The following DOCK3 variants were observed in gnomAD, a reference collection of about 807,000 sequenced individuals.
DOCK3 encodes dedicator of cytokinesis 3.
DOCK3 carries 60 observed loss-of-function variants against 265.6 expected under a neutral mutation model. The ratio of observed to expected loss-of-function variants is 0.23; its 90% CI spans 0.18 to 0.28. DOCK3 has a LOEUF of 0.28. DOCK3 is among the 10% of genes least tolerant of loss of function. DOCK3 has a pLI of 1.00. For synonymous variants in DOCK3, 881 were observed against 938.0 expected, an observed-to-expected ratio of 0.94 and a Z score of 1.11; for missense variants, 1,981 against 2,594.3, an observed-to-expected ratio of 0.76 and a Z score of 5.14.
At chr3:51,370,046 C>T (rs998503258) in intron 49 of DOCK3, among the ~76,000 whole-genome samples, 1 of 152,110 alleles carries the variant, frequency 6.6e-6, no homozygotes, top group Admixed American at 6.5e-5. Context: ...ACCAAAAGAT[C>T]GGTGCATGCT....
At chr3:51,196,185 C>T (rs898517747) in intron 12 of DOCK3, among the ~76,000 whole-genome samples, 1 of 151,936 alleles carries the variant, frequency 6.6e-6, no homozygotes, top group East Asian at 1.9e-4. Context: ...GGCCTCCTGC[C>T]TCAGCCTCCC....
chr3:50,738,717 TACTATTCCCA>T (rs1344146511), intron 1 of DOCK3, among the ~76,000 whole-genome samples: 1 of 152,208 alleles, frequency 6.6e-6, no homozygotes, highest in Non-Finnish European at 1.5e-5. Flanking sequence ...TATGGTGAGG[TACTATTCCCA>T]AATCACAATA....
Position 51,360,610 on chromosome 3 carries a change from A to G in DOCK3, c.4984A>G (p.Ile1662Val), listed in dbSNP as rs1290835195. The change falls in exon 47 of 53, where the codon ATC (isoleucine) becomes GTC (valine). Residue 1662 changes from isoleucine to valine, a missense_variant. By Grantham distance (29) the Ile-to-Val change is conservative (BLOSUM62 3). This residue lies in a region of DOCK3 where 1,357 missense variants were observed against 1,866.8 expected (regional missense o/e 0.73). Transcript: ENST00000266037. ...CCATAGCCCCATGAGTCCGGAGAGC[A>G]TCAAGATGACCCACCGGCACAGGTA... ...ASHSPMSPES[I>V]KMTHRHSPMN... The G allele has an allele frequency of 6.2e-7, 1 of 1,613,766 alleles. No homozygotes were observed. The highest frequency in any genetic ancestry group is 8.5e-7 in the Non-Finnish European group (1 of 1,179,856).
intron 3 of DOCK3, among the ~76,000 whole-genome samples, chr3:50,867,240 A>C (rs1054318076): frequency 2.6e-5 from 4 of 152,168 alleles, no homozygotes; most frequent in African/African-American, 9.6e-5. Flanking sequence ...CATTGTTGGC[A>C]TATAGAAATG....
At chr3:50,935,041 T>G (rs922104010) in intron 5 of DOCK3, among the ~76,000 whole-genome samples, 4 of 152,144 alleles carry the variant, frequency 2.6e-5, no homozygotes, top group Non-Finnish European at 4.4e-5. Context: ...TCTCTCTCTC[T>G]TTTTTTCTCC....
At chr3:51,131,393 G>A (rs957447974) in intron 9 of DOCK3, among the ~76,000 whole-genome samples, 21 of 152,200 alleles carry the variant, frequency 1.4e-4, no homozygotes, top group East Asian at 1.2e-3. Context: ...GTAAAAGGCC[G>A]GAGGTCTCCT....
intron 32 of DOCK3, among the ~76,000 whole-genome samples, chr3:51,323,354 A>G (rs1367907415): frequency 6.6e-6 from 1 of 152,210 alleles, no homozygotes; most frequent in Non-Finnish European, 1.5e-5. Flanking sequence ...AACCAAGTGG[A>G]CCTAGTAGAC....
At position 50,985,487 on chromosome 3, in the gene DOCK3, G is replaced by A. The variant is rs570166041; in HGVS notation, c.315+51410G>A. The stretch of plus-strand genomic sequence containing the variant: ...ATTTAATAGATTAAAAACCCCTCTG[G>A]CAATTTTAACAGACATTGTAGAGAC... On this transcript the variant is annotated intron_variant, in intron 5 of 52. Coordinates refer to ENST00000266037, the MANE Select transcript of DOCK3 (RefSeq NM_004947.5). Among the ~76,000 whole-genome samples the A allele has an allele frequency of 2.6e-5, 4 of 152,018 alleles. No individual in the cohort carries two copies. In the South Asian group the frequency reaches 8.3e-4, roughly 32 times the overall value.
chr3:51,150,948 C>T (rs530154341), intron 10 of DOCK3, among the ~76,000 whole-genome samples: 1 of 152,244 alleles, frequency 6.6e-6, no homozygotes, highest in Admixed American at 6.5e-5. Flanking sequence ...GTTAAAGTCT[C>T]CCATTATTAT....
chr3:50,887,095 A>G (rs1482413356), intron 3 of DOCK3, among the ~76,000 whole-genome samples: 11 of 151,398 alleles, frequency 7.3e-5, no homozygotes, highest in African/African-American at 1.5e-4. Context: ...GAAAAGATCA[A>G]CAAAATTGAT....
intron 49 of DOCK3, among the ~76,000 whole-genome samples, chr3:51,363,728 C>G (rs948669262): frequency 6.6e-6 from 1 of 152,212 alleles, no homozygotes; most frequent in Non-Finnish European, 1.5e-5. Context: ...TGAGTGAGAA[C>G]ATGCAGTGTT....
intron 12 of DOCK3, among the ~76,000 whole-genome samples, chr3:51,162,070 TAGTA>T (rs1323686861): frequency 6.6e-6 from 1 of 152,250 alleles, no homozygotes; most frequent in Non-Finnish European, 1.5e-5. Flanking sequence ...GTGGTGAGTT[TAGTA>T]AGTTTTTAAA....
intron 23 of DOCK3, among the ~76,000 whole-genome samples, chr3:51,264,115 T>A (rs1307961468): frequency 6.6e-6 from 1 of 152,206 alleles, no homozygotes; most frequent in African/African-American, 2.4e-5. Context: ...TATACATTCT[T>A]CTCAGCACCA....
chr3:50,765,072 GTTTTTTTTTTTTT>G (rs34672189), intron 1 of DOCK3, among the ~76,000 whole-genome samples: 2 of 47,434 alleles, frequency 4.2e-5, no homozygotes, highest in African/African-American at 8.4e-5. Flanking sequence ...ACTTTCTTAG[GTTTTTTTTTTTTT>G]TTTTTTTTTT....
intron 39 of DOCK3, 71 bp from the exon 40 acceptor site, chr3:51,350,217 T>C: frequency 2.9e-6 from 4 of 1,359,856 alleles, no homozygotes; most frequent in Non-Finnish European, 3.1e-6. Context: ...CAGTGTCCAG[T>C]TGGGCCTGGG....
At chr3:51,095,716 T>TG (rs1318332555) in intron 9 of DOCK3, among the ~76,000 whole-genome samples, 1 of 151,640 alleles carries the variant, frequency 6.6e-6, no homozygotes. Context: ...CAACTTTTAG[T>TG]GGAGAAAGGT....
intron 21 of DOCK3, among the ~76,000 whole-genome samples, chr3:51,238,590 C>G (rs1047707962): frequency 6.6e-6 from 1 of 152,004 alleles, no homozygotes; most frequent in Non-Finnish European, 1.5e-5. Context: ...GTTATTTTTC[C>G]TGATCCTCTC....
chr3:50,719,268 C>CTTTT (rs71084106), intron 1 of DOCK3, among the ~76,000 whole-genome samples: 3 of 138,702 alleles, frequency 2.2e-5, no homozygotes, highest in Non-Finnish European at 3.1e-5. Flanking sequence ...TAGATATTTT[C>CTTTT]TTTTTTTTTT....
chr3:51,082,533 A>G (rs981209858), intron 7 of DOCK3, among the ~76,000 whole-genome samples: 30 of 152,178 alleles, frequency 2.0e-4, no homozygotes, highest in African/African-American at 6.3e-4. Flanking sequence ...GTCTGGGGCT[A>G]CTGCCACTGA....
Sources: gnomAD v4.1 joint callset for allele counts (sites outside exome capture counted in the v4.1 genomes callset) on GRCh38, gnomAD v4.1.1 for gene constraint, gnomAD v4.1.1 regional missense constraint, MANE v1.5 for transcripts, NCBI Gene and HGNC (gene_info 2026-07-23, HGNC 2026-07-21) for gene names.